Variants in SEMA6D observed in about 807,000 individuals in gnomAD.
SEMA6D encodes semaphorin-6D.
In SEMA6D, 35 loss-of-function variants were observed where a neutral mutation model predicts 106.6. That is an observed-to-expected ratio of 0.33 (90% CI 0.25 to 0.44). The LOEUF (loss-of-function observed/expected upper bound fraction) is 0.44. Ranked by LOEUF, SEMA6D falls within the 20% of genes least tolerant of loss-of-function variation. The probability of loss-of-function intolerance (pLI) is 1.00; values close to 1 mark genes in which losing one functional copy is unlikely to be tolerated. For synonymous variants in SEMA6D, 499 were observed against 487.7 expected (o/e 1.02, Z -0.31); for missense variants, 1,185 against 1,345.9 (o/e 0.88, Z 1.87).
chr15:47,382,761 C>A (rs973680729), intron 1 of SEMA6D, among the ~76,000 whole-genome samples: 1 of 152,126 alleles, frequency 6.6e-6, no homozygotes, highest in African/African-American at 2.4e-5. Context: ...CTTGTTAGTC[C>A]TGTAGTACCA....
chr15:47,651,780 C>G (rs2077696804), intron 4 of SEMA6D, among the ~76,000 whole-genome samples: 1 of 152,260 alleles, frequency 6.6e-6, no homozygotes, highest in Admixed American at 6.5e-5. Context: ...TTCTGATACA[C>G]TGTTGAGAGT....
chr15:47,646,774 AG>A (rs2077589478), intron 4 of SEMA6D, among the ~76,000 whole-genome samples: 1 of 152,188 alleles, frequency 6.6e-6, no homozygotes, highest in Non-Finnish European at 1.5e-5. Flanking sequence ...TGTATTCACT[AG>A]GTAAATGTGT....
At chr15:47,637,008 T>C (rs2077400886) in intron 4 of SEMA6D, among the ~76,000 whole-genome samples, 1 of 152,116 alleles carries the variant, frequency 6.6e-6, no homozygotes, top group Non-Finnish European at 1.5e-5. Context: ...GAAGCACTTA[T>C]GTGGACATAA....
intron 4 of SEMA6D, among the ~76,000 whole-genome samples, chr15:47,652,924 A>G (rs979860638): frequency 2.4e-4 from 37 of 152,144 alleles, no homozygotes; most frequent in Admixed American, 2.4e-3. Context: ...AAATCAAATC[A>G]TTTTTCAGTG....
intron 1 of SEMA6D, among the ~76,000 whole-genome samples, chr15:47,755,530 A>T (rs2081669962): frequency 1.3e-5 from 2 of 152,106 alleles, no homozygotes; most frequent in African/African-American, 4.8e-5. Flanking sequence ...AAAGAAGTGT[A>T]ATCTTATCTT....
intron 3 of SEMA6D, among the ~76,000 whole-genome samples, chr15:47,595,391 T>C (rs533078290): frequency 4.6e-5 from 7 of 152,222 alleles, no homozygotes; most frequent in African/African-American, 7.2e-5. Flanking sequence ...GATTCACATA[T>C]GTTGAACCAT....
intron 4 of SEMA6D, among the ~76,000 whole-genome samples, chr15:47,699,007 A>T (rs2078756209): frequency 6.6e-6 from 1 of 152,224 alleles, no homozygotes; most frequent in South Asian, 2.1e-4. Context: ...GCAGGCAAAG[A>T]GAAGTGACTG....
At chr15:47,422,167 C>CACCTGCCT (rs1567068351) in intron 2 of SEMA6D, among the ~76,000 whole-genome samples, 1 of 64,396 alleles carries the variant, frequency 1.6e-5, no homozygotes, top group Non-Finnish European at 3.7e-5. Context: ...ATTTTTTGCC[C>CACCTGCCT]GCCCGCCTGC....
intron 4 of SEMA6D, among the ~76,000 whole-genome samples, chr15:47,683,444 G>A (rs1211145083): frequency 1.3e-5 from 2 of 152,088 alleles, no homozygotes; most frequent in South Asian, 2.1e-4. Flanking sequence ...ACCGAAAAGC[G>A]CTAATGTCCA....
At chr15:47,638,238 A>T (rs1196757807) in intron 4 of SEMA6D, among the ~76,000 whole-genome samples, 2 of 152,186 alleles carry the variant, frequency 1.3e-5, no homozygotes, top group Non-Finnish European at 2.9e-5. Context: ...TTTGTTCTAC[A>T]ATATTCCCTG....
At chr15:47,490,760 G>A (rs939702263) in intron 3 of SEMA6D, among the ~76,000 whole-genome samples, 10 of 152,096 alleles carry the variant, frequency 6.6e-5, no homozygotes, top group Middle Eastern at 3.4e-3. Flanking sequence ...AAGCAAATAA[G>A]GAACACACAA....
chr15:47,762,192 G>T lies in SEMA6D; in HGVS notation c.539-8G>T. 5.0e-6 allele frequency: 8 copies of T among 1,613,504 alleles called. No homozygotes were observed. Among genetic ancestry groups the T allele is most frequent in the Non-Finnish European group, 6.8e-6 (8 of 1,179,582 alleles). On this transcript the variant is annotated splice_polypyrimidine_tract_variant and splice_region_variant and intron_variant, in intron 7 of 18. Transcript: ENST00000536845. Reference sequence around the variant, plus strand: ...GTTATCTTACCAAAATTATACCTTTGGTTTCAGATGGGAAGCTGTATTCTG... The same window carrying T: ...GTTATCTTACCAAAATTATACCTTTTGTTTCAGATGGGAAGCTGTATTCTG...
intron 1 of SEMA6D, among the ~76,000 whole-genome samples, chr15:47,348,526 A>C (rs1360961101): frequency 6.6e-6 from 1 of 152,096 alleles, no homozygotes; most frequent in Admixed American, 6.6e-5. Flanking sequence ...TTGAGCACCC[A>C]CATGATACCA....
chr15:47,334,232 C>T (rs1027141890), intron 1 of SEMA6D, among the ~76,000 whole-genome samples: 1 of 152,118 alleles, frequency 6.6e-6, no homozygotes, highest in African/African-American at 2.4e-5. Context: ...CATAGATTGC[C>T]CTACACATCT....
intron 4 of SEMA6D, chr15:47,603,807 T>G (rs1026343575): frequency 6.6e-6 from 1 of 152,180 alleles, no homozygotes; most frequent in Non-Finnish European, 1.5e-5. Context: ...TTTTATTTCC[T>G]GGTGTATTGT....
chr15:47,389,522 A>G (rs2039958728), intron 1 of SEMA6D, among the ~76,000 whole-genome samples: 1 of 152,210 alleles, frequency 6.6e-6, no homozygotes, highest in African/African-American at 2.4e-5. Flanking sequence ...AAAATACACA[A>G]AACTTTAATG....
At chr15:47,347,089 G>A (rs1344521766) in intron 1 of SEMA6D, among the ~76,000 whole-genome samples, 1 of 151,884 alleles carries the variant, frequency 6.6e-6, no homozygotes, top group Non-Finnish European at 1.5e-5. Context: ...TTGTATTTTT[G>A]TAGAAATGGG....
intron 3 of SEMA6D, among the ~76,000 whole-genome samples, chr15:47,476,216 T>C (rs189561637): frequency 5.9e-5 from 9 of 152,302 alleles, no homozygotes; most frequent in Non-Finnish European, 1.0e-4. Flanking sequence ...AAGCATAGAT[T>C]TCATGGAAAG....
At chr15:47,638,753 C>T (rs915750116) in intron 4 of SEMA6D, among the ~76,000 whole-genome samples, 1 of 152,184 alleles carries the variant, frequency 6.6e-6, no homozygotes, top group African/African-American at 2.4e-5. Context: ...GCTCTCCCTC[C>T]GCATTTCTCG....
Sources: gnomAD v4.1 joint callset for allele counts (sites outside exome capture counted in the v4.1 genomes callset) on GRCh38, gnomAD v4.1.1 for gene constraint, MANE v1.5 for transcripts, NCBI Gene and HGNC (gene_info 2026-07-23, HGNC 2026-07-21) for gene names.